Variants in GTF2IRD2 observed in about 807,000 individuals in gnomAD.
The protein encoded by GTF2IRD2 is GTF2I repeat domain containing 2, also known as general transcription factor II-I repeat domain-containing protein 2A.
A neutral mutation model predicts 49.2 loss-of-function variants in GTF2IRD2; 8 were observed. The ratio of observed to expected loss-of-function variants is 0.16; its 90% confidence interval spans 0.10 to 0.29. The LOEUF (loss-of-function observed/expected upper bound fraction) is 0.29. Among genes scored for constraint, GTF2IRD2 ranks in the 10% least tolerant of loss-of-function variants. The pLI, the probability that GTF2IRD2 is intolerant of heterozygous loss-of-function variation, is 1.00. For missense variants in GTF2IRD2, 130 were observed against 725.7 expected, an observed-to-expected ratio of 0.18 and a Z score of 9.43; for synonymous variants, 47 against 289.7, an observed-to-expected ratio of 0.16 and a Z score of 8.51.
chr7:74,841,527 G>A (rs1274068729), intron 1 of GTF2IRD2, among the ~76,000 whole-genome samples: 3 of 134,006 alleles, frequency 2.2e-5, no homozygotes, highest in Non-Finnish European at 3.0e-5. Context: ...GAGTGCAGTG[G>A]CTTGATCATG....
chr7:74,808,756 T>A (rs1554417430), intron 11 of GTF2IRD2, among the ~76,000 whole-genome samples: 6 of 69,054 alleles, frequency 8.7e-5, no homozygotes, highest in African/African-American at 2.6e-4. Flanking sequence ...TTTTTTTTTT[T>A]AGATGGAATC....
Position 74,798,083 on chromosome 7 carries a change from A to G in GTF2IRD2, c.1429T>C (p.Tyr477His). ...TTCTCGTCACGCATTCTTTCCATAT[A>G]CTGGTCATAATGCTTGCTGTGATTG... ...QTNHSKHYDQ[Y>H]MERMRDEKLH... is the part of the protein sequence containing the mutation. Residue 477 changes from tyrosine to histidine, a missense_variant, in exon 16 of 16, where the codon TAT (tyrosine) becomes CAT (histidine). Tyr to His is a moderately conservative substitution (Grantham distance 83). Coordinates refer to ENST00000451013, the MANE Select transcript of GTF2IRD2 (RefSeq NM_173537.5). 4.4e-6 allele frequency: 7 copies of G among 1,599,266 alleles called. No individual in the cohort carries two copies. Among genetic ancestry groups the G allele is most frequent in the East Asian group, 2.3e-5 (1 of 44,352 alleles).
rs782185869 is a variant in GTF2IRD2, at chr7:74,822,833, G to C, written c.359-26C>G. 24 of 1,548,894 alleles carry C rather than the reference G, an allele frequency of 1.5e-5. 1 individual carries two copies. The highest frequency in any genetic ancestry group is 2.0e-5 in the Non-Finnish European group (23 of 1,154,218). ...CTACAAGAAGACGCAAACGTCTTTG[G>C]ATGGTGTGAACCTAACGTTCTACCA... On this transcript the variant is annotated intron_variant, in intron 4 of 15. Coordinates refer to ENST00000451013, the MANE Select transcript of GTF2IRD2 (RefSeq NM_173537.5).
chr7:74,808,161 AGTTT>A (rs1797907892), intron 11 of GTF2IRD2, among the ~76,000 whole-genome samples: 1 of 67,178 alleles, frequency 1.5e-5, no homozygotes, highest in African/African-American at 3.5e-5. Context: ...TATTTTTGTT[AGTTT>A]GTTTCGAGGC....
Position 74,841,154 on chromosome 7 carries a change from T to A in GTF2IRD2, c.-5-4771A>T, listed in dbSNP as rs145741072. Among the ~76,000 whole-genome samples the A allele has an allele frequency of 6.5e-3, 924 of 141,974 alleles. 120 individuals carry two copies. The highest frequency in any genetic ancestry group is 0.023 in the African/African-American group (814 of 35,564). 93.1% of individuals were successfully genotyped at this position (141,974 alleles called of 152,430 possible). On this transcript the variant is annotated intron_variant, in intron 1 of 15. Transcript: ENST00000451013. ...GTGAGCCACCATGCCCAGCCTTATT[T>A]TATATATATATATGTATTGGTTTTT...
chr7:74,824,204 C>A (rs1330340127), intron 4 of GTF2IRD2, among the ~76,000 whole-genome samples: 1 of 128,890 alleles, frequency 7.8e-6, no homozygotes, highest in Non-Finnish European at 1.6e-5. Flanking sequence ...CACGGCGGCT[C>A]ACACCTGTAA....
chr7:74,809,935 AG>A (rs1168950923), intron 10 of GTF2IRD2, among the ~76,000 whole-genome samples: 10 of 44,288 alleles, frequency 2.3e-4, no homozygotes, highest in Non-Finnish European at 3.6e-4. Context: ...CTGGGATTAC[AG>A]GTGCCTGCCA....
At chr7:74,824,780 T>A (rs1799218014) in intron 4 of GTF2IRD2, among the ~76,000 whole-genome samples, 153 bp downstream of exon 4, 1 of 37,154 alleles carries the variant, frequency 2.7e-5, no homozygotes, top group Non-Finnish European at 4.4e-5. Flanking sequence ...TAATCCCAGC[T>A]ACTTGGGAGG....
intron 8 of GTF2IRD2, chr7:74,818,876 T>G (rs1401360431): frequency 1.3e-5 from 2 of 151,680 alleles, no homozygotes; most frequent in Non-Finnish European, 2.9e-5. Context: ...TGTCAAATGA[T>G]AACCTGCTAG....
intron 4 of GTF2IRD2, among the ~76,000 whole-genome samples, chr7:74,824,701 G>C (rs1799211260): frequency 3.0e-5 from 1 of 33,826 alleles, no homozygotes; most frequent in Non-Finnish European, 4.7e-5. Flanking sequence ...AGACCAGCCT[G>C]GCCAACATGG....
intron 4 of GTF2IRD2, among the ~76,000 whole-genome samples, chr7:74,824,145 A>G (rs587728892): frequency 2.1e-4 from 28 of 134,600 alleles, no homozygotes; most frequent in African/African-American, 7.8e-4. Flanking sequence ...CAGCCCGGGC[A>G]ACAGAGCGAG....
intron 15 of GTF2IRD2, among the ~76,000 whole-genome samples, chr7:74,799,921 CAAAAAAAA>C (rs1160840166): frequency 2.1e-4 from 3 of 13,954 alleles, no homozygotes; most frequent in African/African-American, 5.0e-4. Flanking sequence ...CCTGTCTCTA[CAAAAAAAA>C]AAAAAAAAAA....
rs1432807666 is a variant in GTF2IRD2, at chr7:74,841,864, G to A, written c.-5-5481C>T. ...GTGATGGCCGGGCACAGTGGCTCAC[G>A]CCTGTAATCCCAGCACTTTGGGAGG... On this transcript the variant is annotated intron_variant, in intron 1 of 15. Transcript: ENST00000451013. 2.1e-5 allele frequency among the ~76,000 whole-genome samples: 3 copies of A among 141,244 alleles called. 1 individual carries two copies. Among genetic ancestry groups the A allele is most frequent in the African/African-American group, 8.5e-5 (3 of 35,134 alleles). 92.7% of individuals were successfully genotyped at this position (141,244 alleles called of 152,430 possible). A position where few individuals can be genotyped will look rare whatever the true frequency, so the allele number is the denominator to read the frequency against.
chr7:74,820,622 CT>C, intron 6 of GTF2IRD2: 2 of 13,200 alleles, frequency 1.5e-4, no homozygotes, highest in Admixed American at 3.7e-4. Flanking sequence ...GCAATCCACG[CT>C]GTCTACACTA....
chr7:74,818,458 CTTTT>C (rs782068970), intron 8 of GTF2IRD2, among the ~76,000 whole-genome samples: 1 of 129,486 alleles, frequency 7.7e-6, no homozygotes, highest in African/African-American at 3.0e-5. Flanking sequence ...CTCTCTCTCT[CTTTT>C]TTTTTTTTTT....
rs1260814743 is a variant in GTF2IRD2, at chr7:74,848,524, C to CTCTG, written c.-6+2839_-6+2842dup. 3.7e-4 allele frequency among the ~76,000 whole-genome samples: 52 copies of CTCTG among 141,208 alleles called. 1 individual carries two copies. The highest frequency in any genetic ancestry group is 5.8e-4 in the Non-Finnish European group (38 of 65,378). The allele number at this position is 141,208 out of a possible 152,430, so 92.6% of individuals were successfully genotyped here. On this transcript the variant is annotated intron_variant, in intron 1 of 15. Coordinates refer to ENST00000451013, the MANE Select transcript of GTF2IRD2 (RefSeq NM_173537.5). ...CAACAGGGCGAGGCCCTGGGTAGGA[C>CTCTG]TCTGTCTCAAGAGAAAAACAAAGAA...
At chr7:74,818,961 G>C (rs1300407637) in intron 8 of GTF2IRD2, 1 of 150,380 alleles carries the variant, frequency 6.6e-6, no homozygotes, top group Non-Finnish European at 1.5e-5. Flanking sequence ...ATCTCACTCT[G>C]TAGCCCAAGG....
intron 3 of GTF2IRD2, among the ~76,000 whole-genome samples, chr7:74,830,126 G>A (rs1554420231): frequency 7.0e-6 from 1 of 141,862 alleles, no homozygotes; most frequent in African/African-American, 2.6e-5. Context: ...CAGCTACTTG[G>A]GAGGCCAAGA....
intron 1 of GTF2IRD2, among the ~76,000 whole-genome samples, chr7:74,841,102 G>C (rs1472080518): frequency 7.1e-6 from 1 of 141,206 alleles, no homozygotes; most frequent in African/African-American, 2.8e-5. Flanking sequence ...ACACGCCTCA[G>C]CCTCCCAGAG....
Sources: gnomAD v4.1 joint callset for allele counts (sites outside exome capture counted in the v4.1 genomes callset) on GRCh38, gnomAD v4.1.1 for gene constraint, MANE v1.5 for transcripts, NCBI Gene and HGNC (gene_info 2026-07-23, HGNC 2026-07-21) for gene names.